Variants in PLPP4 observed in about 807,000 individuals in gnomAD.
PLPP4 encodes diacylglycerol pyrophosphate like 2.
In PLPP4, 20 loss-of-function variants were observed where a neutral mutation model predicts 32.2. The observed-to-expected ratio is 0.62, with a 90% CI of 0.44 to 0.90. The LOEUF (loss-of-function observed/expected upper bound fraction) is 0.90. Ranked by LOEUF, PLPP4 falls within the 40% of genes least tolerant of loss-of-function variation. The pLI is 0.00. For synonymous variants in PLPP4, 127 were observed against 133.0 expected, an observed-to-expected ratio of 0.95 and a Z score of 0.31; for missense variants, 257 against 353.1, an observed-to-expected ratio of 0.73 and a Z score of 2.18.
chr10:120,504,866 T>C (rs756784460), intron 2 of PLPP4, among the ~76,000 whole-genome samples: 1 of 152,244 alleles, frequency 6.6e-6, no homozygotes, highest in Non-Finnish European at 1.5e-5. Flanking sequence ...TGGCCACTAA[T>C]AAGACTACCC....
At chr10:120,482,310 T>C (rs1844243298) in intron 1 of PLPP4, among the ~76,000 whole-genome samples, 1 of 152,182 alleles carries the variant, frequency 6.6e-6, no homozygotes, top group African/African-American at 2.4e-5. Context: ...CTGATAATGA[T>C]ATTGACAATA....
chr10:120,591,209 T>TA lies in PLPP4; in HGVS notation c.*1709dup, dbSNP rs1395519203. On this transcript the variant is annotated 3_prime_UTR_variant, in exon 7 of 7. Coordinates refer to ENST00000398250, the MANE Select transcript of PLPP4 (RefSeq NM_001030059.3). ...AATATCTTTGATCAGCCATTTCTGT[T>TA]AAGCTCCATGGGCTTAAGCTTGGAG... Among the ~76,000 whole-genome samples the TA allele has an allele frequency of 6.6e-6, 1 of 152,198 alleles. No homozygotes were observed. The highest frequency in any genetic ancestry group is 2.4e-5 in the African/African-American group (1 of 41,444).
intron 5 of PLPP4, among the ~76,000 whole-genome samples, chr10:120,530,177 A>T (rs1846635595): frequency 6.6e-6 from 1 of 152,228 alleles, no homozygotes; most frequent in Admixed American, 6.5e-5. Context: ...CAAAATGCAT[A>T]AATCATAACC....
intron 1 of PLPP4, among the ~76,000 whole-genome samples, chr10:120,496,324 C>G (rs1844961406): frequency 6.6e-6 from 1 of 152,204 alleles, no homozygotes; most frequent in Admixed American, 6.5e-5. Flanking sequence ...CATGGACTTG[C>G]TGTTTCTGCT....
intron 5 of PLPP4, among the ~76,000 whole-genome samples, chr10:120,522,749 G>C (rs573614396): frequency 2.0e-5 from 3 of 152,172 alleles, no homozygotes; most frequent in African/African-American, 7.2e-5. Flanking sequence ...AATTTGCTAA[G>C]AGAGTAGATT....
intron 1 of PLPP4, among the ~76,000 whole-genome samples, chr10:120,492,208 G>A (rs991692640): frequency 1.3e-5 from 2 of 152,120 alleles, no homozygotes; most frequent in Non-Finnish European, 2.9e-5. Flanking sequence ...CCAGGTTTAC[G>A]TAGACCAGGA....
rs190817798 is a variant in PLPP4 at position 120,489,753 on chromosome 10, A to T, written c.57-14065A>T. Among the ~76,000 whole-genome samples the T allele has an allele frequency of 4.3e-3, 660 of 152,252 alleles. 5 individuals carry two copies. The highest frequency in any genetic ancestry group is 0.015 in the African/African-American group (618 of 41,556). ...CCATGAGTTACATTTAAAAAAAAAA[A>T]TTTTAACATGGAGCAGCTCAAACCA... On this transcript the variant is annotated intron_variant, in intron 1 of 6. Coordinates refer to ENST00000398250, the MANE Select transcript of PLPP4 (RefSeq NM_001030059.3).
chr10:120,513,191 T>C (rs1845799690), intron 2 of PLPP4, among the ~76,000 whole-genome samples: 2 of 152,188 alleles, frequency 1.3e-5, no homozygotes, highest in Non-Finnish European at 2.9e-5. Flanking sequence ...TCTCCAGTTG[T>C]ATGTTCCCAG....
At chr10:120,567,347 A>G (rs1244095351) in intron 5 of PLPP4, among the ~76,000 whole-genome samples, 1 of 152,178 alleles carries the variant, frequency 6.6e-6, no homozygotes, top group Non-Finnish European at 1.5e-5. Flanking sequence ...TTTTCTGATA[A>G]TAACACCTTT....
Position 120,571,282 on chromosome 10 carries a change from G to A in PLPP4, c.446-3849G>A, listed in dbSNP as rs80268921. Among the ~76,000 whole-genome samples, 1,247 of 152,082 alleles carry A rather than the reference G, an allele frequency of 8.2e-3. 23 individuals are homozygous for A. The highest frequency in any genetic ancestry group is 0.029 in the African/African-American group (1,198 of 41,462). ...AGCAGGATATGAGCACATTTGTCCT[G>A]TCTTATAATCCCCATGTTTAAAAAT... On this transcript the variant is annotated intron_variant, in intron 5 of 6. Coordinates refer to ENST00000398250, the MANE Select transcript of PLPP4 (RefSeq NM_001030059.3).
Position 120,457,315 on chromosome 10 carries a change from C to G in PLPP4, c.10C>G (p.Leu4Val), listed in dbSNP as rs992823238. The G allele has an allele frequency of 2.4e-5, 36 of 1,530,134 alleles. 1 individual carries two copies. Among genetic ancestry groups the G allele is most frequent in the Admixed American group, 4.1e-5 (2 of 48,524 alleles). The allele number at this position is 1,530,134 out of a possible 1,614,324, so 94.8% of individuals were successfully genotyped here. Residue 4 changes from leucine to valine, a missense_variant, in exon 1 of 7, where the codon CTG becomes GTG. Coordinates refer to ENST00000398250, the MANE Select transcript of PLPP4 (RefSeq NM_001030059.3). MRE[L>V]AIEIGVRALL... ...CTGCTCCGGCCGCACCATGCGGGAG[C>G]TGGCCATTGAGATCGGGGTGCGAGC...
At chr10:120,475,151 C>G (rs1323070916) in intron 1 of PLPP4, among the ~76,000 whole-genome samples, 2 of 152,052 alleles carry the variant, frequency 1.3e-5, no homozygotes, top group Non-Finnish European at 2.9e-5. Context: ...TTGACATTCA[C>G]CAGATGGCCC....
chr10:120,560,016 A>G lies in PLPP4; in HGVS notation c.446-15115A>G, dbSNP rs115200500. Among the ~76,000 whole-genome samples the G allele has an allele frequency of 8.6e-3, 1,317 of 152,302 alleles. 26 individuals are homozygous for G. Among genetic ancestry groups the G allele is most frequent in the African/African-American group, 0.03 (1,266 of 41,550 alleles). The stretch of plus-strand genomic sequence containing the variant: ...AGTGTTTTGAATATCTACCTAAAAC[A>G]CCGTGTGGCGCTGATCACCTTCACG... On this transcript the variant is annotated intron_variant, in intron 5 of 6. Transcript: ENST00000398250.
chr10:120,558,233 A>G (rs367993415), intron 5 of PLPP4, among the ~76,000 whole-genome samples: 3 of 151,976 alleles, frequency 2.0e-5, no homozygotes, highest in East Asian at 1.9e-4. Flanking sequence ...GCACACATAC[A>G]CATGTATACA....
chr10:120,469,742 A>G (rs1358856138), intron 1 of PLPP4, among the ~76,000 whole-genome samples: 1 of 152,172 alleles, frequency 6.6e-6, no homozygotes, highest in East Asian at 1.9e-4. Context: ...ACACATTTGT[A>G]TATAATTAAC....
chr10:120,553,328 G>A (rs751910194), intron 5 of PLPP4, among the ~76,000 whole-genome samples: 1 of 152,082 alleles, frequency 6.6e-6, no homozygotes, highest in Non-Finnish European at 1.5e-5. Context: ...TAGGTCATAG[G>A]GTCATAGGGT....
intron 1 of PLPP4, among the ~76,000 whole-genome samples, chr10:120,489,707 C>G (rs7924158): frequency 0.41 from 62,142 of 151,836 alleles, 13,031 homozygotes; most frequent in Non-Finnish European, 0.46. Context: ...AATGTAAGAG[C>G]TCCTGTTTTT....
In PLPP4 at chr10:120,501,467, T is replaced by C. The variant is rs1290194559; in HGVS notation, c.57-2351T>C. ...TTTCTCTTCTGTCAGGCCCTACATA[T>C]ATATTTCATTGTTTAACTTTCATTC... is the stretch of plus-strand genomic sequence containing the variant. On this transcript the variant is annotated intron_variant, in intron 1 of 6. Coordinates refer to ENST00000398250, the MANE Select transcript of PLPP4 (RefSeq NM_001030059.3). Among the ~76,000 whole-genome samples, 4 of 152,206 alleles carry C rather than the reference T, an allele frequency of 2.6e-5. No individual in the cohort carries two copies. In the East Asian group the frequency reaches 5.8e-4, roughly 22 times the overall value.
rs1347379373 is a variant in PLPP4, at chr10:120,518,753, GATGATGATGATA to G, written c.257-68_257-57del. On this transcript the variant is annotated intron_variant, in intron 3 of 6. Coordinates refer to ENST00000398250, the MANE Select transcript of PLPP4 (RefSeq NM_001030059.3). Reference sequence around the variant, plus strand: ...TTAAATAGTATTATAATGTAACAGTGATGATGATGATAATGATGATGATGATTTTGATTTAAG... The same window carrying G: ...TTAAATAGTATTATAATGTAACAGTGATGATGATGATGATTTTGATTTAAG... 11 of 1,060,738 alleles carry G rather than the reference GATGATGATGATA, an allele frequency of 1.0e-5. No homozygotes were observed. In the African/African-American group the frequency reaches 1.7e-4, roughly 17 times the overall value. 65.7% of individuals were successfully genotyped at this position (1,060,738 alleles called of 1,614,324 possible). A position where few individuals can be genotyped will look rare whatever the true frequency, so the allele number is the denominator to read the frequency against.
Sources: gnomAD v4.1 joint callset for allele counts (sites outside exome capture counted in the v4.1 genomes callset) on GRCh38, gnomAD v4.1.1 for gene constraint, MANE v1.5 for transcripts, NCBI Gene and HGNC (gene_info 2026-07-23, HGNC 2026-07-21) for gene names.